Variants in KIAA0513 observed in about 807,000 individuals in gnomAD.
KIAA0513 encodes KIAA0513.
In KIAA0513, 39 loss-of-function variants were observed where a neutral mutation model predicts 56.5. That is an observed-to-expected ratio of 0.69 (90% CI 0.53 to 0.90). The LOEUF is 0.90. Ranked by LOEUF, KIAA0513 falls within the 40% of genes least tolerant of loss-of-function variation. The pLI is 0.00. For missense variants in KIAA0513, 591 were observed against 535.2 expected (o/e 1.10, Z -1.03); for synonymous variants, 268 against 215.6 (o/e 1.24, Z -2.13).
chr16:85,080,222 T>G (rs2073723172), intron 8 of KIAA0513, among the ~76,000 whole-genome samples: 1 of 152,216 alleles, frequency 6.6e-6, no homozygotes, highest in African/African-American at 2.4e-5. Context: ...TGTCTGGTGA[T>G]TCAGCTCAGC....
At chr16:85,036,939 T>C (rs2073044105) in intron 1 of KIAA0513, among the ~76,000 whole-genome samples, 1 of 152,172 alleles carries the variant, frequency 6.6e-6, no homozygotes, top group African/African-American at 2.4e-5. Context: ...GCTTTCATTC[T>C]TGCAGGGTTT....
chr16:85,052,276 C>T (rs1356880101), intron 1 of KIAA0513, among the ~76,000 whole-genome samples: 5 of 152,140 alleles, frequency 3.3e-5, no homozygotes, highest in East Asian at 2.0e-4. Flanking sequence ...GCTGAGATCA[C>T]GCCACTGCAC....
rs80020895 is a variant in KIAA0513 at position 85,069,321 on chromosome 16, C to T, written c.329+1921C>T. On this transcript the variant is annotated intron_variant, in intron 2 of 12. Coordinates refer to ENST00000683363, the MANE Select transcript of KIAA0513 (RefSeq NM_001388359.1). ...AAACTTCTGGCCTTAAGCAGTCCTC[C>T]TGCCACGACTCCCCGAAGTGCTGGG... 6.2e-4 allele frequency among the ~76,000 whole-genome samples: 95 copies of T among 152,138 alleles called. 1 individual carries two copies. The East Asian group carries it at 0.017, about 27-fold the overall frequency.
chr16:85,061,652 G>A (rs1478987129), intron 1 of KIAA0513, among the ~76,000 whole-genome samples: 3 of 152,190 alleles, frequency 2.0e-5, no homozygotes, highest in African/African-American at 7.2e-5. Context: ...TTGTCTGATT[G>A]CCCAAGGCCA....
At chr16:85,040,154 A>T (rs1349894059) in intron 1 of KIAA0513, among the ~76,000 whole-genome samples, 2 of 152,178 alleles carry the variant, frequency 1.3e-5, no homozygotes, top group African/African-American at 4.8e-5. Flanking sequence ...TTTCAACAGG[A>T]AGCAAGTGCA....
At chr16:85,086,745 G>T (rs1481120223) in intron 11 of KIAA0513, 21 bp downstream of exon 11, 1 of 1,599,748 alleles carries the variant, frequency 6.3e-7, no homozygotes, top group South Asian at 1.1e-5. Context: ...GAGTGGGAAA[G>T]CGGGAGGGGA....
chr16:85,039,052 G>A (rs1297957250), intron 1 of KIAA0513, among the ~76,000 whole-genome samples: 2 of 152,178 alleles, frequency 1.3e-5, no homozygotes, highest in African/African-American at 4.8e-5. Flanking sequence ...CTCCCTGAGG[G>A]CCAGGCTTTT....
rs139276586 is a variant in KIAA0513, at chr16:85,046,789, C to T, written c.-173+18931C>T. Among the ~76,000 whole-genome samples, 528 of 152,254 alleles carry T rather than the reference C, an allele frequency of 3.5e-3. 2 individuals are homozygous for T. The highest frequency in any genetic ancestry group is 0.012 in the African/African-American group (503 of 41,538). ...TTAGTTCGAAGTTTTCCATTTGGTT[C>T]TCCTTTATACCTTCTGTTTCTTTCC... On this transcript the variant is annotated intron_variant, in intron 1 of 12. Coordinates refer to ENST00000683363, the MANE Select transcript of KIAA0513 (RefSeq NM_001388359.1).
chr16:85,069,936 G>A (rs1282949636), intron 2 of KIAA0513, among the ~76,000 whole-genome samples: 2 of 151,820 alleles, frequency 1.3e-5, no homozygotes, highest in Non-Finnish European at 2.9e-5. Context: ...AGGCTGAGGC[G>A]GGCAGGTCGC....
At position 85,081,761 on chromosome 16, in the gene KIAA0513, C is replaced by T. The variant is rs962567110; in HGVS notation, c.980+369C>T. On this transcript the variant is annotated intron_variant, in intron 9 of 12. Transcript: ENST00000683363. The surrounding 1 kb of genome is among the most constrained non-coding windows in gnomAD (Gnocchi z 4.4). ...GCAGGGTCCTGGGAGGAAGGGCTGG[C>T]CACCATCCCCGAGACTGCCCTCGAG... Among the ~76,000 whole-genome samples, 5 of 152,230 alleles carry T rather than the reference C, an allele frequency of 3.3e-5. No homozygotes were observed. The highest frequency in any genetic ancestry group is 5.9e-5 in the Non-Finnish European group (4 of 68,046).
At chr16:85,087,610 T>C (rs2073824338) in intron 12 of KIAA0513, among the ~76,000 whole-genome samples, 1 of 152,172 alleles carries the variant, frequency 6.6e-6, no homozygotes, top group South Asian at 2.1e-4. Context: ...TTTTCTAGAA[T>C]CTCTGGCTTC....
chr16:85,040,187 A>G (rs182500919), intron 1 of KIAA0513, among the ~76,000 whole-genome samples: 12 of 152,276 alleles, frequency 7.9e-5, no homozygotes, highest in African/African-American at 2.6e-4. Flanking sequence ...CTTTGAAGCT[A>G]TTGCTTGGAG....
At chr16:85,072,839 C>T in intron 3 of KIAA0513, 86 bp from the exon 4 acceptor site, 1 of 1,309,996 alleles carries the variant, frequency 7.6e-7, no homozygotes, top group African/African-American at 1.5e-5. Flanking sequence ...CATTTGGAAA[C>T]ACTGAGAGTG....
At chr16:85,031,695 T>C (rs1388087143) in intron 1 of KIAA0513, among the ~76,000 whole-genome samples, 1 of 152,230 alleles carries the variant, frequency 6.6e-6, no homozygotes, top group African/African-American at 2.4e-5. Flanking sequence ...TTGCCTGGGC[T>C]GTTCCTCCCC....
chr16:85,043,987 G>A (rs567700407), intron 1 of KIAA0513, among the ~76,000 whole-genome samples: 7 of 152,252 alleles, frequency 4.6e-5, no homozygotes, highest in South Asian at 4.1e-4. Flanking sequence ...TGGAGATTGC[G>A]CCAGTGCACT....
intron 1 of KIAA0513, among the ~76,000 whole-genome samples, chr16:85,041,227 T>G (rs1033028886): frequency 5.9e-5 from 9 of 152,234 alleles, no homozygotes; most frequent in Admixed American, 5.9e-4. Flanking sequence ...GGAATCAGTC[T>G]GAATTAGCCA....
At position 85,081,658 on chromosome 16, in the gene KIAA0513, G is replaced by A. The variant is rs564950039; in HGVS notation, c.980+266G>A. On this transcript the variant is annotated intron_variant, in intron 9 of 12. Transcript: ENST00000683363. This position sits in a 1 kb window ranked among gnomAD's most constrained non-coding sequence, Gnocchi z 4.4. ...TCCTAAAAATGCAAACTCCCACTAA[G>A]ACCATCAGGACCCCTGCTGCTGGGC... is the stretch of plus-strand genomic sequence containing the variant. Among the ~76,000 whole-genome samples the A allele has an allele frequency of 6.6e-6, 1 of 152,160 alleles. No homozygotes were observed. The highest frequency in any genetic ancestry group is 2.4e-5 in the African/African-American group (1 of 41,438).
chr16:85,079,018 G>T lies in KIAA0513; in HGVS notation c.902+15G>T, dbSNP rs368550821. The T allele has an allele frequency of 6.2e-7, 1 of 1,613,814 alleles. No homozygotes were observed. The highest frequency in any genetic ancestry group is 8.5e-7 in the Non-Finnish European group (1 of 1,179,860). On this transcript the variant is annotated intron_variant, in intron 8 of 12. Transcript: ENST00000683363. The stretch of plus-strand genomic sequence containing the variant: ...CAGCCCATCTGGTAAGGCCGAGCCC[G>T]CGGCTTCCCGTCACCCTCTTACTGA...
intron 12 of KIAA0513, among the ~76,000 whole-genome samples, chr16:85,087,892 G>A (rs755642695): frequency 6.6e-6 from 1 of 152,258 alleles, no homozygotes; most frequent in Non-Finnish European, 1.5e-5. Flanking sequence ...CACTAGCAAA[G>A]GGCAAGGGGG....
Sources: allele counts gnomAD v4.1 joint callset (sites outside exome capture counted in the v4.1 genomes callset), GRCh38; gene constraint gnomAD v4.1.1; non-coding constraint Gnocchi (gnomAD v3.1); transcripts MANE v1.5; gene names NCBI Gene and HGNC (gene_info 2026-07-23, HGNC 2026-07-21).